Variants in DLAT observed in about 807,000 individuals in gnomAD.
The protein encoded by DLAT is dihydrolipoamide S-acetyltransferase, also known as dihydrolipoyllysine-residue acetyltransferase component of pyruvate dehydrogenase complex, mitochondrial.
Under a neutral mutation model 68.0 loss-of-function variants are expected in DLAT, and 43 were observed. That is an observed-to-expected ratio of 0.63 (90% confidence interval 0.50 to 0.81). DLAT has a LOEUF of 0.81. Ranked by LOEUF, DLAT falls within the 40% of genes least tolerant of loss-of-function variation. The pLI is 0.00. For synonymous variants in DLAT, 265 were observed against 288.6 expected (o/e 0.92, Z 0.83); for missense variants, 745 against 815.4 (o/e 0.91, Z 1.05).
chr11:112,041,958 A>G (rs1555181030), intron 7 of DLAT, among the ~76,000 whole-genome samples: 1 of 152,228 alleles, frequency 6.6e-6, no homozygotes, highest in Admixed American at 6.5e-5. Context: ...TTGGAAAAAA[A>G]CAGGGATGAG....
rs1256910402 is a variant in DLAT at position 112,064,109 on chromosome 11, A to C, written c.*1574A>C. 8.7e-6 allele frequency: 12 copies of C among 1,377,626 alleles called. No homozygotes were observed. The highest frequency in any genetic ancestry group is 1.2e-5 in the Non-Finnish European group (12 of 1,022,562). The allele number at this position is 1,377,626 out of a possible 1,614,324, so 85.3% of individuals were successfully genotyped here. On this transcript the variant is annotated 3_prime_UTR_variant, in exon 14 of 14. Coordinates refer to ENST00000280346, the MANE Select transcript of DLAT (RefSeq NM_001931.5). ...TAATTTTAGGTTGAAGATTATCCAA[A>C]AGAAACAAGCTTATCACAAGGGACC... is the stretch of plus-strand genomic sequence containing the variant.
intron 2 of DLAT, among the ~76,000 whole-genome samples, chr11:112,027,893 A>AGAGAGG (rs201205994): frequency 0.39 from 58,849 of 150,160 alleles, 11,573 homozygotes; most frequent in East Asian, 0.57. Context: ...GACCGTGGAA[A>AGAGAGG]GAGAGGGAGA....
intron 4 of DLAT, chr11:112,030,036 G>A (rs1862310630): frequency 3.0e-6 from 3 of 1,002,704 alleles, no homozygotes; most frequent in Non-Finnish European, 4.6e-6. Context: ...GTTTGCCGTG[G>A]AAAGCAGGCC....
In DLAT at chr11:112,064,256, A is replaced by G; in HGVS notation, c.*1721A>G. The G allele has an allele frequency of 6.6e-7, 1 of 1,516,634 alleles. No individual in the cohort carries two copies. The highest frequency in any genetic ancestry group is 8.9e-7 in the Non-Finnish European group (1 of 1,128,968). The allele number at this position is 1,516,634 out of a possible 1,614,324, so 93.9% of individuals were successfully genotyped here. ...AAATAAAAACAGTTGCCTTCTAATAAACATTGTTGAGTTAAAAATTAATCT... is the reference window on the plus strand; with the variant it reads ...AAATAAAAACAGTTGCCTTCTAATAGACATTGTTGAGTTAAAAATTAATCT... On this transcript the variant is annotated 3_prime_UTR_variant, in exon 14 of 14. Transcript: ENST00000280346.
chr11:112,036,202 T>TGG (rs61074225), intron 5 of DLAT, among the ~76,000 whole-genome samples: 18 of 21,238 alleles, frequency 8.5e-4, no homozygotes, highest in African/African-American at 2.7e-3. Flanking sequence ...TGTGTGTGTG[T>TGG]TTTTTTTTTT....
intron 10 of DLAT, 67 bp downstream of exon 10, chr11:112,046,037 T>A (rs587697934): frequency 1.1e-6 from 1 of 894,432 alleles, no homozygotes; most frequent in Non-Finnish European, 1.8e-6. Context: ...CAAACATTTA[T>A]ATTTTTGTCC....
chr11:112,036,151 ATATGTGTGTGTATATATGTG>A (rs1410679321), intron 5 of DLAT, among the ~76,000 whole-genome samples: 1 of 135,174 alleles, frequency 7.4e-6, no homozygotes, highest in Non-Finnish European at 1.5e-5. Flanking sequence ...GTATATATAT[ATATGTGTGTGTATATATGTG>A]TGTGTGTGTG....
chr11:112,031,858 G>GCAT (rs1862416234), intron 4 of DLAT, among the ~76,000 whole-genome samples: 1 of 137,834 alleles, frequency 7.3e-6, no homozygotes, highest in African/African-American at 2.7e-5. Flanking sequence ...GAGATTATAG[G>GCAT]CATGAGCCAC....
rs782331589 is a variant in DLAT at position 112,043,503 on chromosome 11, C to T, written c.1167C>T (p.Ile389=). The part of the protein sequence containing the change: ...GPDGRITKKD[I]DSFVPSKVAP... ...ATGGTAGAATCACCAAGAAGGATAT[C>T]GACTCTTTTGTGCCTAGTAAAGTTG... Residue 389 remains isoleucine (I), a synonymous_variant, in exon 8 of 14, where the codon ATC becomes ATT. Coordinates refer to ENST00000280346, the MANE Select transcript of DLAT (RefSeq NM_001931.5). 16 of 1,613,972 alleles carry T rather than the reference C, an allele frequency of 9.9e-6. No individual in the cohort carries two copies. In the African/African-American group the frequency reaches 1.5e-4, roughly 15 times the overall value.
Position 112,051,740 on chromosome 11 carries a change from A to G in DLAT, c.1514+391A>G, listed in dbSNP as rs1200666217. 6.6e-6 allele frequency among the ~76,000 whole-genome samples: 1 copy of G among 152,134 alleles called. No individual in the cohort carries two copies. The highest frequency in any genetic ancestry group is 1.5e-5 in the Non-Finnish European group (1 of 68,018). On this transcript the variant is annotated intron_variant, in intron 11 of 13. Transcript: ENST00000280346. The surrounding 1 kb of genome is among the most constrained non-coding windows in gnomAD (Gnocchi z 4.3). The stretch of plus-strand genomic sequence containing the variant: ...GCGATATTGCTGGATTTAGCTAGTA[A>G]AGGCTATAGATTCTTTGTATGAGTT...
intron 4 of DLAT, chr11:112,030,376 C>G: frequency 2.5e-6 from 1 of 405,374 alleles, no homozygotes; most frequent in East Asian, 6.0e-5. Flanking sequence ...ATGGCTCTGA[C>G]CCGGAAACGG....
intron 11 of DLAT, among the ~76,000 whole-genome samples, chr11:112,056,885 G>A (rs142966544): frequency 2.6e-5 from 4 of 152,206 alleles, no homozygotes; most frequent in East Asian, 1.9e-4. Context: ...AGAGTATCTC[G>A]CTTTATTGCA....
Position 112,045,924 on chromosome 11 carries a change from A to G in DLAT, c.1352A>G (p.Asp451Gly), listed in dbSNP as rs782038528. 4.3e-6 allele frequency: 7 copies of G among 1,611,330 alleles called. No individual in the cohort carries two copies. The East Asian group carries it at 6.7e-5, about 15-fold the overall frequency. ...ATACCTCATTATTACCTTTCTATCG[A>G]TGTAAATATGGGAGAAGTTTTGTTG... ...QTIPHYYLSIDVNMGEVLLVR... is the reference protein window; with the variant it reads ...QTIPHYYLSIGVNMGEVLLVR... The change falls in exon 10 of 14, where the codon GAT becomes GGT. Residue 451 changes from aspartate (D) to glycine (G), a missense_variant. Asp to Gly is a moderately conservative substitution (Grantham distance 94). Coordinates refer to ENST00000280346, the MANE Select transcript of DLAT (RefSeq NM_001931.5).
intron 11 of DLAT, among the ~76,000 whole-genome samples, chr11:112,054,429 G>A (rs946103936): frequency 6.6e-5 from 10 of 152,138 alleles, no homozygotes; most frequent in African/African-American, 1.9e-4. Context: ...GATTGTGTAT[G>A]ACTAAGACAT....
At chr11:112,027,402 C>G (rs1862115627) in intron 2 of DLAT, among the ~76,000 whole-genome samples, 1 of 151,520 alleles carries the variant, frequency 6.6e-6, no homozygotes. Context: ...CAGAGACGCT[C>G]CTCACTTTCC....
intron 10 of DLAT, among the ~76,000 whole-genome samples, chr11:112,050,736 C>CTAGT (rs1863572577): frequency 1.3e-5 from 2 of 152,158 alleles, no homozygotes; most frequent in African/African-American, 2.4e-5. Context: ...GTCAGTCTAA[C>CTAGT]TAAACATTTA....
At chr11:112,048,857 T>C (rs1462169142) in intron 10 of DLAT, among the ~76,000 whole-genome samples, 4 of 152,144 alleles carry the variant, frequency 2.6e-5, no homozygotes, top group Non-Finnish European at 4.4e-5. Flanking sequence ...TTAATTCCAT[T>C]CCATTAATCT....
intron 10 of DLAT, among the ~76,000 whole-genome samples, chr11:112,049,180 C>T (rs191309007): frequency 6.6e-4 from 100 of 151,966 alleles, no homozygotes; most frequent in Non-Finnish European, 1.1e-3. Flanking sequence ...GGGGTTTCAC[C>T]GTGTTAGCCA....
intron 11 of DLAT, among the ~76,000 whole-genome samples, chr11:112,055,900 G>A (rs1167789012): frequency 5.5e-5 from 4 of 72,670 alleles, no homozygotes; most frequent in African/African-American, 1.5e-4. Flanking sequence ...GTGGAGTCTC[G>A]CTCTTTTGCC....
Sources: gnomAD v4.1 joint callset for allele counts (sites outside exome capture counted in the v4.1 genomes callset) on GRCh38, gnomAD v4.1.1 for gene constraint, Gnocchi (gnomAD v3.1) non-coding constraint, MANE v1.5 for transcripts, NCBI Gene and HGNC (gene_info 2026-07-23, HGNC 2026-07-21) for gene names.